Variants in RABGAP1L observed in about 807,000 individuals in gnomAD.
RABGAP1L encodes rab GTPase-activating protein 1-like.
A neutral mutation model predicts 137.7 loss-of-function variants in RABGAP1L; 63 were observed. The observed-to-expected ratio is 0.46, with a 90% CI of 0.37 to 0.56. RABGAP1L has a LOEUF of 0.56. RABGAP1L is among the 20% of genes least tolerant of loss of function. The pLI, the probability that RABGAP1L is intolerant of heterozygous loss-of-function variation, is 0.00. For synonymous variants in RABGAP1L, 431 were observed against 433.7 expected (o/e 0.99, Z 0.08); for missense variants, 1,095 against 1,244.0 (o/e 0.88, Z 1.80).
chr1:174,930,332 T>C (rs1663586549), intron 19 of RABGAP1L, among the ~76,000 whole-genome samples: 1 of 146,518 alleles, frequency 6.8e-6, no homozygotes, highest in African/African-American at 2.5e-5. Flanking sequence ...TCAAACTTCT[T>C]TTTTTTTTTT....
intron 17 of RABGAP1L, among the ~76,000 whole-genome samples, chr1:174,731,251 C>T (rs757846101): frequency 4.6e-5 from 7 of 152,118 alleles, no homozygotes; most frequent in African/African-American, 7.2e-5. Flanking sequence ...GGAATACAAG[C>T]GTGAGCCACC....
intron 10 of RABGAP1L, among the ~76,000 whole-genome samples, chr1:174,297,681 A>C (rs926619750): frequency 6.6e-6 from 1 of 152,146 alleles, no homozygotes; most frequent in African/African-American, 2.4e-5. Flanking sequence ...GACCTATCTA[A>C]GGGTTTCCAG....
chr1:174,164,202 C>T (rs559203820), intron 1 of RABGAP1L, among the ~76,000 whole-genome samples: 1 of 151,606 alleles, frequency 6.6e-6, no homozygotes, highest in South Asian at 2.1e-4. Flanking sequence ...AACCTTGGCA[C>T]TTGGCTGATA....
chr1:174,349,030 G>A (rs1211020394), intron 11 of RABGAP1L, among the ~76,000 whole-genome samples: 96 of 149,894 alleles, frequency 6.4e-4, no homozygotes, highest in Admixed American at 1.5e-3. Flanking sequence ...TCCCGGACAG[G>A]GCGGCTGGCC....
At chr1:174,436,820 A>C (rs1653389965) in intron 13 of RABGAP1L, among the ~76,000 whole-genome samples, 1 of 152,296 alleles carries the variant, frequency 6.6e-6, no homozygotes, top group East Asian at 1.9e-4. Flanking sequence ...GCAACCCCCC[A>C]GTAGGGGCAG....
At chr1:174,205,358 A>G (rs1009262003) in intron 1 of RABGAP1L, among the ~76,000 whole-genome samples, 12 of 152,076 alleles carry the variant, frequency 7.9e-5, no homozygotes, top group African/African-American at 2.9e-4. Flanking sequence ...TTCTGTAGGA[A>G]TGGTACCAGC....
intron 4 of RABGAP1L, among the ~76,000 whole-genome samples, chr1:174,234,783 G>T (rs553696340): frequency 0.28 from 39,721 of 144,238 alleles, 5,882 homozygotes; most frequent in African/African-American, 0.34. Flanking sequence ...CTTTAAAGTG[G>T]TTTTTTCCAA....
intron 18 of RABGAP1L, among the ~76,000 whole-genome samples, chr1:174,784,144 C>A (rs1217249991): frequency 6.6e-6 from 1 of 150,506 alleles, no homozygotes; most frequent in African/African-American, 2.4e-5. Context: ...CTCAGCCTCC[C>A]GAGTAGCTGG....
rs71643194 is a variant in RABGAP1L at position 174,235,058 on chromosome 1, G to T, written c.542+3703G>T. Among the ~76,000 whole-genome samples the T allele has an allele frequency of 6.1e-3, 837 of 137,748 alleles. 6 individuals are homozygous for T. The highest frequency in any genetic ancestry group is 7.9e-3 in the Non-Finnish European group (511 of 64,950). 90.4% of individuals were successfully genotyped at this position (137,748 alleles called of 152,430 possible). ...TGAATGGGAGTTCACTCATGATTTGGCTCTCTGTTTGTTTGTTGTTGGTGT... is the reference window on the plus strand; with the variant it reads ...TGAATGGGAGTTCACTCATGATTTGTCTCTCTGTTTGTTTGTTGTTGGTGT... On this transcript the variant is annotated intron_variant, in intron 4 of 25. Coordinates refer to ENST00000681986, the MANE Select transcript of RABGAP1L (RefSeq NM_001366446.1).
intron 13 of RABGAP1L, among the ~76,000 whole-genome samples, chr1:174,621,550 C>T (rs1413434183): frequency 2.0e-5 from 3 of 152,144 alleles, no homozygotes; most frequent in African/African-American, 7.2e-5. Context: ...AGTAACACGG[C>T]ATATCTAAAC....
intron 19 of RABGAP1L, among the ~76,000 whole-genome samples, chr1:174,813,056 G>A (rs1035345883): frequency 1.3e-5 from 2 of 152,244 alleles, no homozygotes. Flanking sequence ...TTTACTTTGA[G>A]TGAAGCAGGG....
In RABGAP1L at chr1:174,988,851, A is replaced by C; in HGVS notation, c.3003+13A>C. 6.5e-7 allele frequency: 1 copy of C among 1,531,508 alleles called. No individual in the cohort carries two copies. The highest frequency in any genetic ancestry group is 2.1e-5 in the Admixed American group (1 of 47,302). 94.9% of individuals were successfully genotyped at this position (1,531,508 alleles called of 1,614,324 possible). A position where few individuals can be genotyped will look rare whatever the true frequency, so the allele number is the denominator to read the frequency against. On this transcript the variant is annotated intron_variant, in intron 25 of 25. Transcript: ENST00000681986. ...GTGTAAAATTCAGGTTGGTGATTTG[A>C]TAAAAGAACAAGAAGAAAGAATAAA...
chr1:174,749,218 T>C (rs1164234783), intron 17 of RABGAP1L, among the ~76,000 whole-genome samples: 2 of 150,618 alleles, frequency 1.3e-5, no homozygotes, highest in African/African-American at 4.9e-5. Flanking sequence ...AGTCAATACA[T>C]GTGATGTGAA....
intron 14 of RABGAP1L, among the ~76,000 whole-genome samples, chr1:174,680,908 A>G (rs1397101912): frequency 6.6e-6 from 1 of 152,150 alleles, no homozygotes; most frequent in Non-Finnish European, 1.5e-5. Flanking sequence ...AAAAACAAAA[A>G]TCAGCAACAC....
intron 13 of RABGAP1L, among the ~76,000 whole-genome samples, chr1:174,566,021 A>G (rs1667560503): frequency 6.6e-6 from 1 of 151,780 alleles, no homozygotes; most frequent in South Asian, 2.1e-4. Context: ...AGTAGCTGGG[A>G]CCACAGGCAC....
chr1:174,510,179 T>C (rs1382572048), intron 13 of RABGAP1L, among the ~76,000 whole-genome samples: 1 of 152,208 alleles, frequency 6.6e-6, no homozygotes. Context: ...CTCTTTAGCC[T>C]CCTTTTGCAT....
At chr1:174,459,949 T>C (rs948626173) in intron 13 of RABGAP1L, among the ~76,000 whole-genome samples, 2 of 152,114 alleles carry the variant, frequency 1.3e-5, no homozygotes, top group African/African-American at 4.8e-5. Flanking sequence ...TTCCATTAGT[T>C]TGATTTTGAG....
chr1:174,545,551 C>G (rs1376131195), intron 13 of RABGAP1L: 1 of 244 alleles, frequency 4.1e-3, no homozygotes, highest in Non-Finnish European at 5.7e-3. Context: ...CTTGCACTTC[C>G]CAGGTGAGCA....
rs537553518 is a variant in RABGAP1L at position 174,697,002 on chromosome 1, A to T, written c.1900-2523A>T. On this transcript the variant is annotated intron_variant, in intron 15 of 25. Transcript: ENST00000681986. ...ATGTTTACCTTTACTTCCAACACCC[A>T]ACATTCCCTAGTCTAGGACTTCTGC... Among the ~76,000 whole-genome samples, 56 of 152,322 alleles carry T rather than the reference A, an allele frequency of 3.7e-4. No individual in the cohort carries two copies. The South Asian group carries it at 9.9e-3, about 27-fold the overall frequency.
Sources: allele counts gnomAD v4.1 joint callset (sites outside exome capture counted in the v4.1 genomes callset), GRCh38; gene constraint gnomAD v4.1.1; transcripts MANE v1.5; gene names NCBI Gene and HGNC (gene_info 2026-07-23, HGNC 2026-07-21).